The following COP1 variants were observed in gnomAD, a reference collection of about 807,000 sequenced individuals.
COP1 encodes E3 ubiquitin-protein ligase COP1.
Under a neutral mutation model 101.3 loss-of-function variants are expected in COP1, and 24 were observed. That is an observed-to-expected ratio of 0.24 (90% confidence interval 0.17 to 0.33). COP1 has a LOEUF of 0.33. COP1 is among the 10% of genes least tolerant of loss of function. The pLI is 1.00. For synonymous variants in COP1, 347 were observed against 341.9 expected, an observed-to-expected ratio of 1.01 and a Z score of -0.17; for missense variants, 663 against 906.2, an observed-to-expected ratio of 0.73 and a Z score of 3.45.
chr1:176,111,114 T>C (rs1316668212), intron 9 of COP1, among the ~76,000 whole-genome samples: 1 of 152,082 alleles, frequency 6.6e-6, no homozygotes, highest in East Asian at 1.9e-4. Context: ...ATGGCGCCAC[T>C]GCACTCCAGC....
At chr1:176,201,138 G>T (rs1700224342) in intron 1 of COP1, among the ~76,000 whole-genome samples, 1 of 152,108 alleles carries the variant, frequency 6.6e-6, no homozygotes, top group African/African-American at 2.4e-5. Context: ...AGATTTTTCA[G>T]ATTAAGGATA....
chr1:176,085,645 G>T, intron 10 of COP1, 131 bp downstream of exon 10: 1 of 465,060 alleles, frequency 2.2e-6, no homozygotes. Context: ...CCTCCATGAT[G>T]ATCTGGTAGA....
intron 15 of COP1, among the ~76,000 whole-genome samples, chr1:175,991,917 C>G (rs1557862332): frequency 6.6e-6 from 1 of 152,054 alleles, no homozygotes; most frequent in Non-Finnish European, 1.5e-5. Flanking sequence ...TCCTGAAGGG[C>G]CTGCCTGAGG....
chr1:176,032,575 A>G (rs1035577955), intron 14 of COP1, among the ~76,000 whole-genome samples: 10 of 152,098 alleles, frequency 6.6e-5, no homozygotes, highest in Non-Finnish European at 1.2e-4. Flanking sequence ...CTAGGACTCT[A>G]GACTATTAAA....
At chr1:176,174,465 T>G (rs1010946624) in intron 3 of COP1, among the ~76,000 whole-genome samples, 1 of 152,188 alleles carries the variant, frequency 6.6e-6, no homozygotes, top group Non-Finnish European at 1.5e-5. Context: ...CCATAAAACT[T>G]TAGCCACTTA....
At chr1:175,980,265 TACA>T (rs879383286) in intron 18 of COP1, among the ~76,000 whole-genome samples, 16,218 of 151,866 alleles carry the variant, frequency 0.11, 962 homozygotes, top group Middle Eastern at 0.16. Flanking sequence ...GTCTGGAGGT[TACA>T]TGAACACAAA....
intron 6 of COP1, among the ~76,000 whole-genome samples, chr1:176,144,019 T>C (rs1039884483): frequency 2.0e-5 from 3 of 152,100 alleles, no homozygotes; most frequent in South Asian, 4.2e-4. Flanking sequence ...TGGTGACACG[T>C]TGAATGCTTT....
chr1:175,992,130 A>C (rs1195777883), intron 15 of COP1, among the ~76,000 whole-genome samples: 1 of 152,186 alleles, frequency 6.6e-6, no homozygotes, highest in Non-Finnish European at 1.5e-5. Flanking sequence ...GTGGAATATG[A>C]GATGTTTTGA....
chr1:176,206,009 T>C (rs1252443037), intron 1 of COP1, among the ~76,000 whole-genome samples: 1 of 152,216 alleles, frequency 6.6e-6, no homozygotes, highest in African/African-American at 2.4e-5. Context: ...AAGAAGATAT[T>C]TACACATACA....
intron 18 of COP1, among the ~76,000 whole-genome samples, chr1:175,982,047 G>A (rs576096115): frequency 6.6e-6 from 1 of 152,230 alleles, no homozygotes; most frequent in African/African-American, 2.4e-5. Context: ...AGAATGTGGA[G>A]AAAAGAGAAC....
intron 7 of COP1, among the ~76,000 whole-genome samples, chr1:176,135,559 A>C (rs1689665852): frequency 6.6e-6 from 1 of 152,050 alleles, no homozygotes; most frequent in African/African-American, 2.4e-5. Context: ...TCTCTGCTTT[A>C]TATATATTCT....
At chr1:176,035,731 A>G (rs911374346) in intron 14 of COP1, among the ~76,000 whole-genome samples, 2 of 141,510 alleles carry the variant, frequency 1.4e-5, no homozygotes, top group Admixed American at 7.0e-5. Context: ...AAAAAAAAAA[A>G]ACGCAAGCAT....
At chr1:176,069,715 T>A (rs1324176901) in intron 11 of COP1, among the ~76,000 whole-genome samples, 1 of 152,218 alleles carries the variant, frequency 6.6e-6, no homozygotes, top group East Asian at 1.9e-4. Context: ...AGTACCTGCC[T>A]CTGCATCCAC....
At chr1:176,087,956 C>G (rs954899172) in intron 9 of COP1, among the ~76,000 whole-genome samples, 3 of 152,020 alleles carry the variant, frequency 2.0e-5, no homozygotes, top group South Asian at 4.1e-4. Flanking sequence ...TCCTTTGTAG[C>G]GACATGGATG....
In COP1 at chr1:176,067,162, A is replaced by G. The variant is rs937688280; in HGVS notation, c.1277+13990T>C. ...ATACAATACTAAGAGTGACCCCCTCATGTAGACTTTGGGTGATAATAATGT... is the reference window on the plus strand; with the variant it reads ...ATACAATACTAAGAGTGACCCCCTCGTGTAGACTTTGGGTGATAATAATGT... On this transcript the variant is annotated intron_variant, in intron 11 of 19. Coordinates refer to ENST00000367669, the MANE Select transcript of COP1 (RefSeq NM_022457.7). 3.9e-5 allele frequency among the ~76,000 whole-genome samples: 6 copies of G among 152,168 alleles called. No homozygotes were observed. The East Asian group carries it at 1.2e-3, about 29-fold the overall frequency.
chr1:176,184,018 T>A (rs1425241575), intron 2 of COP1, among the ~76,000 whole-genome samples: 2 of 152,086 alleles, frequency 1.3e-5, no homozygotes, highest in Admixed American at 1.3e-4. Context: ...TGTACAATAA[T>A]ATGAACATAC....
At chr1:176,185,038 C>T (rs1282650843) in intron 1 of COP1, among the ~76,000 whole-genome samples, 1 of 152,170 alleles carries the variant, frequency 6.6e-6, no homozygotes, top group Non-Finnish European at 1.5e-5. Flanking sequence ...TTTTCCATCA[C>T]ATGTACTCAA....
At chr1:176,063,311 C>T (rs1233566363) in intron 11 of COP1, among the ~76,000 whole-genome samples, 2 of 151,918 alleles carry the variant, frequency 1.3e-5, no homozygotes, top group South Asian at 2.1e-4. Context: ...CCACCCGCCT[C>T]GGCCTCCCAA....
intron 1 of COP1, among the ~76,000 whole-genome samples, chr1:176,201,891 C>A (rs753978884): frequency 6.6e-6 from 1 of 152,116 alleles, no homozygotes; most frequent in Non-Finnish European, 1.5e-5. Flanking sequence ...CAAATAAGTT[C>A]TTGACAGATA....
Sources: gnomAD v4.1 joint callset for allele counts (sites outside exome capture counted in the v4.1 genomes callset) on GRCh38, gnomAD v4.1.1 for gene constraint, MANE v1.5 for transcripts, NCBI Gene and HGNC (gene_info 2026-07-23, HGNC 2026-07-21) for gene names.